Variants in CALN1 observed in about 807,000 individuals in gnomAD.
CALN1 encodes calcium-binding protein 8.
In CALN1, 17 loss-of-function variants were observed where a neutral mutation model predicts 30.6. That is an observed-to-expected ratio of 0.56 (90% confidence interval 0.38 to 0.83). CALN1 has a LOEUF of 0.83. CALN1 is among the 40% of genes least tolerant of loss of function. CALN1 has a pLI of 0.00. For synonymous variants in CALN1, 156 were observed against 131.4 expected (o/e 1.19, Z -1.28); for missense variants, 291 against 354.9 (o/e 0.82, Z 1.45).
At chr7:72,179,808 C>A (rs1461915032) in intron 3 of CALN1, among the ~76,000 whole-genome samples, 1 of 152,068 alleles carries the variant, frequency 6.6e-6, no homozygotes, top group Admixed American at 6.6e-5. Flanking sequence ...CACTGCAATG[C>A]ACATCTATTA....
chr7:71,797,947 TGA>T (rs2116000253), intron 6 of CALN1, among the ~76,000 whole-genome samples: 1 of 152,016 alleles, frequency 6.6e-6, no homozygotes, highest in Admixed American at 6.6e-5. Flanking sequence ...AGACAGATAC[TGA>T]GAGAGAAAAT....
chr7:72,467,827 A>G, the CALN1 span, among the ~76,000 whole-genome samples: 4 of 152,196 alleles, frequency 2.6e-5, no homozygotes, highest in African/African-American at 9.6e-5. Flanking sequence ...GTTGCAAAAC[A>G]TTGCATCGCC....
chr7:72,309,713 C>A (rs541489240), intron 2 of CALN1, among the ~76,000 whole-genome samples: 1 of 152,126 alleles, frequency 6.6e-6, no homozygotes. Context: ...GTCCCACAGC[C>A]GGCCAAGAAA....
At chr7:72,344,645 TTTTTTTATTTATATAAATATATA>T (rs1177645837) in intron 2 of CALN1, among the ~76,000 whole-genome samples, 2 of 59,834 alleles carry the variant, frequency 3.3e-5, no homozygotes, top group Admixed American at 4.5e-4. Flanking sequence ...TATATTTATA[TTTTTTTATTTATATAAATATATA>T]TTTTATTTAT....
chr7:72,085,415 A>G lies in CALN1; in HGVS notation c.388+20736T>C, dbSNP rs116344386. 3.3e-3 allele frequency among the ~76,000 whole-genome samples: 502 copies of G among 152,282 alleles called. 5 individuals carry two copies. Among genetic ancestry groups the G allele is most frequent in the African/African-American group, 0.011 (471 of 41,560 alleles). On this transcript the variant is annotated intron_variant, in intron 4 of 6. Transcript: ENST00000395275. ...CCTTTTTTTACAGTATATTGTTAAG[A>G]TTGTTCTATTTTATCATTAGTTATT...
chr7:72,119,916 T>C (rs1413689662), intron 3 of CALN1, among the ~76,000 whole-genome samples: 1 of 152,176 alleles, frequency 6.6e-6, no homozygotes, highest in Non-Finnish European at 1.5e-5. Flanking sequence ...TCATATGAGA[T>C]ATGCTACATT....
At chr7:71,971,079 C>T (rs1199716427) in intron 5 of CALN1, among the ~76,000 whole-genome samples, 2 of 152,178 alleles carry the variant, frequency 1.3e-5, no homozygotes, top group African/African-American at 4.8e-5. Context: ...TACAGGCACA[C>T]AGCCACAAAA....
At chr7:72,469,541 C>A in the CALN1 span, among the ~76,000 whole-genome samples, 2 of 152,056 alleles carry the variant, frequency 1.3e-5, no homozygotes, top group African/African-American at 4.8e-5. Flanking sequence ...GGATTACAGG[C>A]ACACACCACC....
chr7:71,793,265 C>T (rs1469532791), intron 6 of CALN1, among the ~76,000 whole-genome samples: 3 of 152,044 alleles, frequency 2.0e-5, no homozygotes, highest in African/African-American at 4.8e-5. Context: ...GAAACTGCGC[C>T]ATTGCACTGC....
At chr7:72,487,885 A>AAAG in the CALN1 span, among the ~76,000 whole-genome samples, 582 of 57,024 alleles carry the variant, frequency 0.01, 21 homozygotes, top group African/African-American at 0.044. Flanking sequence ...AGAAAGAAAG[A>AAAG]AAAGAAAAGA....
At chr7:71,878,509 C>T (rs1322321827) in intron 5 of CALN1, among the ~76,000 whole-genome samples, 3 of 152,078 alleles carry the variant, frequency 2.0e-5, no homozygotes, top group Non-Finnish European at 4.4e-5. Context: ...TGAAGGACCA[C>T]TTAAGAGGGA....
chr7:72,225,118 G>A (rs76678857), intron 3 of CALN1, among the ~76,000 whole-genome samples: 7 of 151,460 alleles, frequency 4.6e-5, no homozygotes, highest in East Asian at 2.0e-4. Flanking sequence ...AAAAAAGCAC[G>A]ATATTCCAGC....
chr7:72,395,662 T>TG (rs1562945294), intron 2 of CALN1, among the ~76,000 whole-genome samples: 1 of 152,022 alleles, frequency 6.6e-6, no homozygotes, highest in East Asian at 1.9e-4. Flanking sequence ...TGCCAAGAGG[T>TG]GGGGTCCAAG....
At chr7:72,409,500 G>C (rs998092718) in intron 1 of CALN1, among the ~76,000 whole-genome samples, 1 of 145,290 alleles carries the variant, frequency 6.9e-6, no homozygotes, top group African/African-American at 2.5e-5. Context: ...AGTCTGAGTG[G>C]ACTGGCCAAC....
At chr7:72,097,064 A>C (rs1806285913) in intron 4 of CALN1, among the ~76,000 whole-genome samples, 1 of 152,146 alleles carries the variant, frequency 6.6e-6, no homozygotes, top group South Asian at 2.1e-4. Context: ...CAACGACAGA[A>C]AATCAAACAC....
intron 3 of CALN1, among the ~76,000 whole-genome samples, chr7:72,269,554 C>T (rs1322556722): frequency 5.3e-5 from 8 of 152,126 alleles, no homozygotes; most frequent in Non-Finnish European, 1.5e-5. Flanking sequence ...GTGGAAAAAC[C>T]TCATTAGTAC....
At chr7:72,012,579 C>T (rs7812087) in intron 5 of CALN1, among the ~76,000 whole-genome samples, 3,261 of 152,246 alleles carry the variant, frequency 0.021, 100 homozygotes, top group African/African-American at 0.074. Context: ...TCATTTCAGA[C>T]TTTTTCCCAA....
intron 1 of CALN1, among the ~76,000 whole-genome samples, chr7:72,427,943 A>G (rs1807850386): frequency 6.6e-6 from 1 of 152,088 alleles, no homozygotes; most frequent in Non-Finnish European, 1.5e-5. Context: ...CTGCCTCTCC[A>G]GCAGCCTAGC....
At chr7:72,398,559 G>C (rs1259184418) in intron 2 of CALN1, among the ~76,000 whole-genome samples, 2 of 152,214 alleles carry the variant, frequency 1.3e-5, no homozygotes, top group Non-Finnish European at 2.9e-5. Context: ...GGGTTATTTA[G>C]CTGGCATTTG....
Sources: allele counts gnomAD v4.1 joint callset (sites outside exome capture counted in the v4.1 genomes callset), GRCh38; gene constraint gnomAD v4.1.1; transcripts MANE v1.5; gene names NCBI Gene and HGNC (gene_info 2026-07-23, HGNC 2026-07-21).